AFDN: variants seen among roughly 807,000 people sequenced by gnomAD.
The protein encoded by AFDN is afadin.
Under a neutral mutation model 216.6 loss-of-function variants are expected in AFDN, and 68 were observed. That is an observed-to-expected ratio of 0.31 (90% CI 0.26 to 0.38). The LOEUF (loss-of-function observed/expected upper bound fraction) is 0.38, where lower values mean the gene tolerates loss of function less well. Among genes scored for constraint, AFDN ranks in the 10% least tolerant of loss-of-function variants. AFDN has a pLI of 1.00. For missense variants in AFDN, 2,136 were observed against 2,342.0 expected (o/e 0.91, Z 1.82); for synonymous variants, 868 against 853.7 (o/e 1.02, Z -0.29).
At chr6:167,897,641 C>CATTTTTTTTTTTTTTTTTTTTTTTTTTTT (rs1562631167) in intron 10 of AFDN, among the ~76,000 whole-genome samples, 1 of 90,622 alleles carries the variant, frequency 1.1e-5, no homozygotes, top group African/African-American at 5.4e-5. Flanking sequence ...TGACTGTATG[C>CATTTTTTTTTTTTTTTTTTTTTTTTTTTT]CTTTTTTTTT....
intron 1 of AFDN, among the ~76,000 whole-genome samples, chr6:167,834,490 A>G (rs1339162968): frequency 8.7e-6 from 1 of 114,346 alleles, no homozygotes; most frequent in Non-Finnish European, 1.7e-5. Context: ...CGAAAGGTAT[A>G]AAACGTGATA....
At chr6:167,944,954 C>T (rs1289358355) in intron 26 of AFDN, among the ~76,000 whole-genome samples, 1 of 152,008 alleles carries the variant, frequency 6.6e-6, no homozygotes, top group Non-Finnish European at 1.5e-5. Flanking sequence ...ACACTCTACA[C>T]TTAAGCTACA....
At chr6:167,870,329 C>A in intron 2 of AFDN, 57 bp from the exon 3 acceptor site, 1 of 1,058,066 alleles carries the variant, frequency 9.5e-7, no homozygotes, top group Admixed American at 2.1e-5. Context: ...CTTGTATTAG[C>A]TAGTTCTATG....
In AFDN at chr6:167,827,158, A is replaced by G; in HGVS notation, c.26A>G (p.Glu9Gly). MSAGGRDE[E>G]RRKLADIIHH... Reference sequence around the variant, plus strand: ...ATGTCGGCGGGCGGCCGTGACGAGGAGCGGCGGAAGCTGGCCGACATCATC... The same window carrying G: ...ATGTCGGCGGGCGGCCGTGACGAGGGGCGGCGGAAGCTGGCCGACATCATC... Residue 9 changes from glutamate (E) to glycine (G), a missense_variant, in exon 1 of 34, where the codon GAG (glutamate) becomes GGG (glycine). By Grantham distance (98) the Glu-to-Gly change is moderately conservative. Transcript: ENST00000683244. The G allele has an allele frequency of 7.7e-7, 1 of 1,295,372 alleles. No individual in the cohort carries two copies. Among genetic ancestry groups the G allele is most frequent in the East Asian group, 5.7e-5 (1 of 17,696 alleles). The allele number at this position is 1,295,372 out of a possible 1,614,324, so 80.2% of individuals were successfully genotyped here.
intron 1 of AFDN, among the ~76,000 whole-genome samples, chr6:167,855,028 T>A (rs1054560289): frequency 3.3e-5 from 5 of 151,916 alleles, no homozygotes; most frequent in Admixed American, 2.0e-4. Flanking sequence ...ACAAGAGAAA[T>A]TCTGTTTTGA....
chr6:167,962,184 T>C lies in AFDN; in HGVS notation c.4834-249T>C, dbSNP rs1203322945. 1.7e-4 allele frequency among the ~76,000 whole-genome samples: 26 copies of C among 152,240 alleles called. No homozygotes were observed. Among genetic ancestry groups the C allele is most frequent in the Non-Finnish European group, 4.4e-5 (3 of 68,044 alleles). ...AATGTAGATGATAAATTCCATCTTA[T>C]AGCCATGATTAATGGAGGAATAACT... On this transcript the variant is annotated intron_variant, in intron 30 of 33. Transcript: ENST00000683244. The surrounding 1 kb of genome is among the most constrained non-coding windows in gnomAD (Gnocchi z 5.2).
At chr6:167,869,725 T>A (rs1784590601) in intron 2 of AFDN, among the ~76,000 whole-genome samples, 1 of 152,178 alleles carries the variant, frequency 6.6e-6, no homozygotes, top group Non-Finnish European at 1.5e-5. Flanking sequence ...ACGGAGACCC[T>A]CCGTGGAGTA....
intron 2 of AFDN, among the ~76,000 whole-genome samples, chr6:167,865,426 A>G (rs1450430669): frequency 1.3e-5 from 2 of 151,922 alleles, no homozygotes; most frequent in Non-Finnish European, 2.9e-5. Context: ...GAGGCAACAT[A>G]GTGAGACCCG....
intron 19 of AFDN, among the ~76,000 whole-genome samples, chr6:167,915,957 A>G (rs1448812819): frequency 6.6e-6 from 1 of 152,212 alleles, no homozygotes; most frequent in Non-Finnish European, 1.5e-5. Context: ...AAAATCTGAA[A>G]CACTTCTGGT....
At chr6:167,968,368 C>G (rs1320513806) in intron 32 of AFDN, 1 of 152,206 alleles carries the variant, frequency 6.6e-6, no homozygotes, top group Non-Finnish European at 1.5e-5. Flanking sequence ...GCAGCTGTGT[C>G]CCGTCTGCAG....
At chr6:167,913,996 A>G (rs1247155738) in intron 16 of AFDN, 172 bp from the exon 17 acceptor site, 8 of 582,562 alleles carry the variant, frequency 1.4e-5, no homozygotes, top group Admixed American at 3.4e-5. Flanking sequence ...TTTACTTCCC[A>G]TTGCTATGTA....
At chr6:167,896,125 C>T (rs141031807) in intron 9 of AFDN, among the ~76,000 whole-genome samples, 2,931 of 151,958 alleles carry the variant, frequency 0.019, 47 homozygotes, top group Non-Finnish European at 0.03. Context: ...TAGAGGGCTT[C>T]GGCAGAGCAG....
chr6:167,968,988 G>A, intron 32 of AFDN, 126 bp from the exon 33 acceptor site: 2 of 708,216 alleles, frequency 2.8e-6, no homozygotes, highest in Non-Finnish European at 2.5e-6. Context: ...CAATATGAGG[G>A]GTCTTTTACC....
chr6:167,834,457 G>GTTTTTTTTTTTTTTTTTTTT (rs11446838), intron 1 of AFDN, among the ~76,000 whole-genome samples: 1 of 75,250 alleles, frequency 1.3e-5, no homozygotes, highest in African/African-American at 5.2e-5. Context: ...TGTTGTTTCG[G>GTTTTTTTTTTTTTTTTTTTT]TTTTTTTTTT....
intron 13 of AFDN, among the ~76,000 whole-genome samples, chr6:167,909,340 C>T (rs1790101197): frequency 6.6e-6 from 1 of 151,006 alleles, no homozygotes; most frequent in South Asian, 2.1e-4. Flanking sequence ...TAAATATATT[C>T]ATTTCTCTTT....
At chr6:167,923,401 A>G (rs932787654) in intron 22 of AFDN, among the ~76,000 whole-genome samples, 168 of 152,144 alleles carry the variant, frequency 1.1e-3, no homozygotes, top group African/African-American at 3.9e-3. Context: ...TCCCAGTTTC[A>G]TACATGTTAA....
intron 3 of AFDN, among the ~76,000 whole-genome samples, chr6:167,871,510 G>C (rs1784795541): frequency 6.6e-6 from 1 of 152,104 alleles, no homozygotes; most frequent in Non-Finnish European, 1.5e-5. Context: ...AAAGCAGAAG[G>C]TAGTTTTCTT....
chr6:167,848,043 A>G (rs1781895352), intron 1 of AFDN, among the ~76,000 whole-genome samples: 1 of 152,162 alleles, frequency 6.6e-6, no homozygotes, highest in Non-Finnish European at 1.5e-5. Context: ...CTTTCCCTAC[A>G]ATTAGGCTTT....
chr6:167,971,478 A>G lies in AFDN; in HGVS notation c.*1543A>G. The G allele has an allele frequency of 5.1e-6, 1 of 195,096 alleles. No individual in the cohort carries two copies. Among genetic ancestry groups the G allele is most frequent in the Non-Finnish European group, 1.1e-5 (1 of 94,108 alleles). 12.1% of individuals were successfully genotyped at this position (195,096 alleles called of 1,614,324 possible). ...TTTTATTTGAAAGTGTGCTCTTACC[A>G]TTTCCTTGTTTGAGTAAGAGAGTGA... On this transcript the variant is annotated 3_prime_UTR_variant, in exon 34 of 34. Coordinates refer to ENST00000683244, the MANE Select transcript of AFDN (RefSeq NM_001386888.1).
Sources: allele counts gnomAD v4.1 joint callset (sites outside exome capture counted in the v4.1 genomes callset), GRCh38; gene constraint gnomAD v4.1.1; non-coding constraint Gnocchi (gnomAD v3.1); transcripts MANE v1.5; gene names NCBI Gene and HGNC (gene_info 2026-07-23, HGNC 2026-07-21).